The following CADM2 variants were observed in gnomAD, a reference collection of about 807,000 sequenced individuals.
The protein encoded by CADM2 is cell adhesion molecule 2, also known as immunoglobulin superfamily member 4D.
CADM2 carries 12 observed loss-of-function variants against 49.8 expected under a neutral mutation model. That is an observed-to-expected ratio of 0.24 (90% CI 0.15 to 0.39). The LOEUF is 0.39. CADM2 is among the 10% of genes least tolerant of loss of function. The probability of loss-of-function intolerance (pLI) is 1.00; values close to 1 mark genes in which losing one functional copy is unlikely to be tolerated. For synonymous variants in CADM2, 214 were observed against 175.4 expected (o/e 1.22, Z -1.74); for missense variants, 378 against 492.3 (o/e 0.77, Z 2.20).
chr3:85,425,680 C>A (rs2036367310), intron 1 of CADM2, among the ~76,000 whole-genome samples: 1 of 152,136 alleles, frequency 6.6e-6, no homozygotes, highest in Non-Finnish European at 1.5e-5. Context: ...TTTTAAATCA[C>A]CAAGTGTTGG....
At chr3:85,481,083 CA>C (rs928952087) in intron 1 of CADM2, among the ~76,000 whole-genome samples, 3 of 151,302 alleles carry the variant, frequency 2.0e-5, no homozygotes, top group Non-Finnish European at 4.4e-5. Context: ...AAGGAAGTAG[CA>C]AAACAGAATA....
At chr3:85,547,924 A>T (rs1259423770) in intron 1 of CADM2, among the ~76,000 whole-genome samples, 1 of 152,116 alleles carries the variant, frequency 6.6e-6, no homozygotes, top group Non-Finnish European at 1.5e-5. Flanking sequence ...ACCCCATGCC[A>T]TTCAGTGTTA....
In CADM2 at chr3:85,084,012, A is replaced by G. The variant is rs937266391; in HGVS notation, c.61+124344A>G. Among the ~76,000 whole-genome samples, 14 of 152,154 alleles carry G rather than the reference A, an allele frequency of 9.2e-5. No individual in the cohort carries two copies. In the East Asian group the frequency reaches 2.5e-3, roughly 27 times the overall value. ...CCATTAGCATGCAATGAAGTACCCA[A>G]TTATTATATGCCCTGCTGTTTTCAA... On this transcript the variant is annotated intron_variant, in intron 1 of 9. Transcript: ENST00000383699.
chr3:85,421,588 T>G (rs1031463651), intron 1 of CADM2, among the ~76,000 whole-genome samples: 2 of 152,198 alleles, frequency 1.3e-5, no homozygotes, highest in African/African-American at 4.8e-5. Flanking sequence ...TGAAAACTGA[T>G]TACCTACACC....
In CADM2 at chr3:85,305,429, T is replaced by C. The variant is rs144698454; in HGVS notation, c.61+345761T>C. Reference sequence around the variant, plus strand: ...AATACATTTTCATATGTACAGACAGTCATTAGTAGAAAATTAATGCAAGCA... The same window carrying C: ...AATACATTTTCATATGTACAGACAGCCATTAGTAGAAAATTAATGCAAGCA... On this transcript the variant is annotated intron_variant, in intron 1 of 9. Transcript: ENST00000383699. Among the ~76,000 whole-genome samples, 147 of 151,818 alleles carry C rather than the reference T, an allele frequency of 9.7e-4. No homozygotes were observed. The East Asian group carries it at 0.016, about 17-fold the overall frequency.
intron 1 of CADM2, among the ~76,000 whole-genome samples, chr3:85,430,856 T>C (rs1353108223): frequency 1.3e-5 from 2 of 152,156 alleles, no homozygotes; most frequent in African/African-American, 4.8e-5. Context: ...AGGTAAACAG[T>C]ATTTTTAAGA....
intron 1 of CADM2, among the ~76,000 whole-genome samples, chr3:85,207,341 T>C (rs1359079391): frequency 1.3e-5 from 2 of 152,194 alleles, no homozygotes; most frequent in African/African-American, 4.8e-5. Flanking sequence ...TCTGAACATT[T>C]ATTTTTATTT....
chr3:85,918,423 TG>T (rs1483395643), intron 6 of CADM2, among the ~76,000 whole-genome samples: 2 of 152,220 alleles, frequency 1.3e-5, no homozygotes, highest in Non-Finnish European at 2.9e-5. Context: ...ATGTGGTTTT[TG>T]TCTTTGGTTC....
At position 86,069,000 on chromosome 3, in the gene CADM2, A is replaced by G. The variant is rs1158396437; in HGVS notation, c.*2217A>G. The G allele has an allele frequency of 6.6e-6, 1 of 151,996 alleles. No homozygotes were observed. The highest frequency in any genetic ancestry group is 2.4e-5 in the African/African-American group (1 of 41,438). 9.4% of individuals were successfully genotyped at this position (151,996 alleles called of 1,614,324 possible). ...AATCTTTAGAAAGACTCCACAAAGC[A>G]AAATTCATCCTGTTAGTACAAAATG... On this transcript the variant is annotated 3_prime_UTR_variant, in exon 10 of 10. Coordinates refer to ENST00000383699, the MANE Select transcript of CADM2 (RefSeq NM_001167675.2).
At chr3:85,525,501 G>C (rs1326677264) in intron 1 of CADM2, among the ~76,000 whole-genome samples, 1 of 152,066 alleles carries the variant, frequency 6.6e-6, no homozygotes, top group Non-Finnish European at 1.5e-5. Context: ...GTGGTAGTGT[G>C]CTGTGTCTTA....
At chr3:85,456,418 G>T (rs929706854) in intron 1 of CADM2, among the ~76,000 whole-genome samples, 1 of 152,050 alleles carries the variant, frequency 6.6e-6, no homozygotes, top group Admixed American at 6.6e-5. Context: ...AGAAGAAATG[G>T]CCATACAAAG....
intron 6 of CADM2, among the ~76,000 whole-genome samples, chr3:85,918,475 G>A (rs1476377211): frequency 6.6e-6 from 1 of 152,030 alleles, no homozygotes; most frequent in Non-Finnish European, 1.5e-5. Flanking sequence ...TTCGTATGTT[G>A]GACCAGCCTT....
At chr3:85,111,646 TTGATG>T (rs143497305) in intron 1 of CADM2, among the ~76,000 whole-genome samples, 14,815 of 151,690 alleles carry the variant, frequency 0.098, 1,477 homozygotes, top group African/African-American at 0.25. Context: ...GTGGAGATGG[TTGATG>T]GGTACCAAAA....
In CADM2 at chr3:85,615,742, A is replaced by G. The variant is rs368206057; in HGVS notation, c.62-110780A>G. 5.3e-5 allele frequency among the ~76,000 whole-genome samples: 8 copies of G among 151,888 alleles called. No individual in the cohort carries two copies. The East Asian group carries it at 1.4e-3, about 26-fold the overall frequency. Reference sequence around the variant, plus strand: ...ATTGGCATTTGCATTACCAATTCACATGATGCTGCCCTATAGATCTGAAGA... The same window carrying G: ...ATTGGCATTTGCATTACCAATTCACGTGATGCTGCCCTATAGATCTGAAGA... On this transcript the variant is annotated intron_variant, in intron 1 of 9. Coordinates refer to ENST00000383699, the MANE Select transcript of CADM2 (RefSeq NM_001167675.2).
chr3:85,338,247 G>A (rs1014656392), intron 1 of CADM2, among the ~76,000 whole-genome samples: 3 of 151,552 alleles, frequency 2.0e-5, no homozygotes, highest in East Asian at 1.9e-4. Context: ...CATATCACAG[G>A]CAGAGTCTAG....
At chr3:85,179,099 G>T (rs1309117428) in intron 1 of CADM2, among the ~76,000 whole-genome samples, 1 of 151,874 alleles carries the variant, frequency 6.6e-6, no homozygotes, top group Admixed American at 6.6e-5. Context: ...AAAATACAGT[G>T]ATGCATTAAG....
intron 1 of CADM2, among the ~76,000 whole-genome samples, chr3:85,568,466 TTTCTCTC>T (rs1559916042): frequency 0.06 from 616 of 10,238 alleles, 21 homozygotes; most frequent in East Asian, 0.19. Flanking sequence ...TTTCTTTCTC[TTTCTCTC>T]TCTTTCTTTC....
chr3:86,011,531 T>C (rs1337929061), intron 8 of CADM2, among the ~76,000 whole-genome samples: 1 of 151,956 alleles, frequency 6.6e-6, no homozygotes, highest in Non-Finnish European at 1.5e-5. Context: ...CTATTAAAAT[T>C]GGTGGAATTG....
intron 1 of CADM2, among the ~76,000 whole-genome samples, chr3:85,498,134 C>A (rs2039977679): frequency 6.6e-6 from 1 of 150,832 alleles, no homozygotes. Flanking sequence ...TCTCATACTG[C>A]AAAAACATTT....
Sources: gnomAD v4.1 joint callset for allele counts (sites outside exome capture counted in the v4.1 genomes callset) on GRCh38, gnomAD v4.1.1 for gene constraint, MANE v1.5 for transcripts, NCBI Gene and HGNC (gene_info 2026-07-23, HGNC 2026-07-21) for gene names.